Variants in PCDH20 observed in about 807,000 individuals in gnomAD.
The protein encoded by PCDH20 is protocadherin 20, also known as protocadherin-20.
A neutral mutation model predicts 39.7 loss-of-function variants in PCDH20; 18 were observed. That is an observed-to-expected ratio of 0.45 (90% CI 0.31 to 0.67). The LOEUF (loss-of-function observed/expected upper bound fraction) is 0.67. Among genes scored for constraint, PCDH20 ranks in the 30% least tolerant of loss-of-function variants. The probability of loss-of-function intolerance (pLI) is 0.05; values close to 1 mark genes in which losing one functional copy is unlikely to be tolerated. For synonymous variants in PCDH20, 495 were observed against 455.4 expected (o/e 1.09, Z -1.11); for missense variants, 1,161 against 1,167.4 (o/e 0.99, Z 0.08).
At position 61,415,017 on chromosome 13, in the gene PCDH20, T is replaced by C. The variant is rs765829268; in HGVS notation, c.132+10A>G. On this transcript the variant is annotated intron_variant, in intron 1 of 1. Transcript: ENST00000409204. The stretch of plus-strand genomic sequence containing the variant: ...TCGGGGTCGCGGGGTTCCTTGACCC[T>C]AACCCTTACCGGCAGGTTCCTGTAG... 6.1e-6 allele frequency: 9 copies of C among 1,463,694 alleles called. No individual in the cohort carries two copies. The South Asian group carries it at 6.9e-5, about 11-fold the overall frequency. 90.7% of individuals were successfully genotyped at this position (1,463,694 alleles called of 1,614,324 possible). A position where few individuals can be genotyped will look rare whatever the true frequency, so the allele number is the denominator to read the frequency against.
At chr13:61,415,256 G>C in exon 1 of PCDH20, 1 of 1,244,834 alleles carries the variant, frequency 8.0e-7, no homozygotes, top group Non-Finnish European at 1.0e-6. Flanking sequence ...TCAGCCAATA[G>C]TCACTGGCTC....
exon 2 of PCDH20, chr13:61,413,110 T>C (rs377479414): frequency 1.5e-5 from 24 of 1,614,054 alleles, no homozygotes; most frequent in Non-Finnish European, 1.9e-5. Context: ...AGCATTCCCA[T>C]ACACAGTGAC....
exon 2 of PCDH20, chr13:61,411,826 G>A: frequency 6.2e-7 from 1 of 1,614,170 alleles, no homozygotes; most frequent in South Asian, 1.1e-5. Context: ...GCCTGGCAGA[G>A]TAGAAGGCAG....
exon 2 of PCDH20, chr13:61,412,807 A>G (rs1000541028): frequency 1.2e-6 from 2 of 1,614,074 alleles, no homozygotes; most frequent in Non-Finnish European, 1.7e-6. Context: ...CTCGTTTGCT[A>G]TGTAACGAGG....
In PCDH20 at chr13:61,413,051, C is replaced by T. The variant is rs1174489929; in HGVS notation, c.1048G>A (p.Gly350Arg). 9.3e-6 allele frequency: 15 copies of T among 1,614,006 alleles called. No homozygotes were observed. The highest frequency in any genetic ancestry group is 1.7e-5 in the Admixed American group (1 of 59,996). Residue 350 changes from glycine (G) to arginine (R), a missense_variant, in exon 2 of 2, where the codon GGG becomes AGG. By Grantham distance (125) the Gly-to-Arg change is moderately radical (BLOSUM62 -2). This residue lies in a region of PCDH20 where 754 missense variants were observed against 777.5 expected (regional missense o/e 0.97). Coordinates refer to ENST00000409204, the Ensembl canonical transcript of PCDH20. ...GAATAAGTAATTTGAGCATTGGTCC[C>T]CAAGTCTTTATCCACAGCCTGGACA...
Position 61,413,852 on chromosome 13 carries a change from C to CGATGA in PCDH20, c.242_246dup (p.Gly83SerfsTer46). The stretch of plus-strand genomic sequence containing the variant: ...AGCCGCAGGTCCTCGGCCAGGCTGC[C>CGATGA]GATGAGCACCCCCGCGGGTAGTCCC... On this transcript the variant is annotated frameshift_variant, in exon 2 of 2. Transcript: ENST00000409204. LOFTEE classifies it high-confidence loss of function. 6.2e-7 allele frequency: 1 copy of CGATGA among 1,612,978 alleles called. No individual in the cohort carries two copies. The highest frequency in any genetic ancestry group is 8.5e-7 in the Non-Finnish European group (1 of 1,179,640).
exon 1 of PCDH20, chr13:61,415,294 T>G (rs1329776271): frequency 9.0e-7 from 1 of 1,116,898 alleles, no homozygotes; most frequent in Admixed American, 4.0e-5. Flanking sequence ...ACTCAAAGAG[T>G]GGCAGAAAGG....
At chr13:61,414,644 CT>C (rs1012020598) in intron 1 of PCDH20, among the ~76,000 whole-genome samples, 3 of 152,178 alleles carry the variant, frequency 2.0e-5, no homozygotes, top group African/African-American at 7.2e-5. Context: ...ACTAATCCCC[CT>C]CCCTTAGGGG....
chr13:61,413,444 G>A lies in PCDH20; in HGVS notation c.655C>T (p.Pro219Ser), dbSNP rs745646714. 3 of 1,613,672 alleles carry A rather than the reference G, an allele frequency of 1.9e-6. No homozygotes were observed. In the African/African-American group the frequency reaches 4.0e-5, roughly 22 times the overall value. Residue 219 changes from proline (P) to serine (S), a missense_variant, in exon 2 of 2, where the codon CCG becomes TCG. By Grantham distance (74) the Pro-to-Ser change is moderately conservative. Coordinates refer to ENST00000409204, the Ensembl canonical transcript of PCDH20. ...CGGGTGTTTACAGGTGCATTTTCCG[G>A]GACCCACACCGAGATCTGGGAAACA...
At chr13:61,410,039 T>C (rs1878213891) in exon 2 of PCDH20, 1 of 152,090 alleles carries the variant, frequency 6.6e-6, no homozygotes, top group Non-Finnish European at 1.5e-5. Context: ...TTGAAAGTGA[T>C]AAATCACTGA....
At chr13:61,411,788 C>T (rs1878251309) in exon 2 of PCDH20, 3 of 1,614,102 alleles carry the variant, frequency 1.9e-6, no homozygotes, top group Non-Finnish European at 2.5e-6. Context: ...GTGTCTTTGT[C>T]GACAGCATAG....
chr13:61,412,605 C>A, exon 2 of PCDH20: 1 of 1,614,126 alleles, frequency 6.2e-7, no homozygotes, highest in Non-Finnish European at 8.5e-7. Flanking sequence ...ACTGCTGTAG[C>A]TCATAGTCCA....
intron 1 of PCDH20, among the ~76,000 whole-genome samples, chr13:61,414,221 A>G (rs570743465): frequency 6.6e-6 from 1 of 151,320 alleles, no homozygotes; most frequent in South Asian, 2.1e-4. Context: ...CCCCATCACC[A>G]CCCTCATCCA....
exon 2 of PCDH20, chr13:61,412,077 G>C: frequency 6.8e-6 from 11 of 1,614,000 alleles, no homozygotes; most frequent in Non-Finnish European, 8.5e-6. Context: ...CAGAGAGGGC[G>C]ACCCATCCAT....
At chr13:61,411,427 A>G (rs1456258265) in exon 2 of PCDH20, 2 of 1,614,118 alleles carry the variant, frequency 1.2e-6, no homozygotes, top group East Asian at 2.2e-5. Flanking sequence ...AGACAGAGCT[A>G]CTAAGGTGGG....
chr13:61,411,721 T>A lies in PCDH20; in HGVS notation c.2378A>T (p.Glu793Val), dbSNP rs1377316529. Reference sequence around the variant, plus strand: ...AGTTTTAGGGTCAATCCTGAAGGACTCAGGCCTAGGACCTCTTCTCCCTAT... The same window carrying A: ...AGTTTTAGGGTCAATCCTGAAGGACACAGGCCTAGGACCTCTTCTCCCTAT... Residue 793 changes from glutamate to valine, a missense_variant, in exon 2 of 2, where the codon GAG (glutamate) becomes GTG (valine). By Grantham distance (121) the Glu-to-Val change is moderately radical. This residue lies in a region of PCDH20 where 754 missense variants were observed against 777.5 expected (regional missense o/e 0.97). Coordinates refer to ENST00000409204, the Ensembl canonical transcript of PCDH20. The A allele has an allele frequency of 1.9e-6, 3 of 1,614,072 alleles. No homozygotes were observed. The African/African-American group carries it at 4.0e-5, about 22-fold the overall frequency.
exon 2 of PCDH20, chr13:61,412,616 T>C (rs758184151): frequency 3.1e-6 from 5 of 1,614,136 alleles, no homozygotes; most frequent in Non-Finnish European, 4.2e-6. Flanking sequence ...TCATAGTCCA[T>C]AGGTTTTGTG....
Position 61,413,758 on chromosome 13 carries a change from T to TTCC in PCDH20, c.338_340dup (p.Trp113_Asn114insArg), listed in dbSNP as rs775347438. On this transcript the variant is annotated inframe_insertion, in exon 2 of 2. Transcript: ENST00000409204. ...GGCCAGGCTGAAGGAGAGAGGGGGG[T>TTCC]TCCACTCAGCACCGGTGCGCTCTGG... is the stretch of plus-strand genomic sequence containing the variant. 6.3e-5 allele frequency: 102 copies of TTCC among 1,612,988 alleles called. No homozygotes were observed. The East Asian group carries it at 2.1e-3, about 34-fold the overall frequency.
In PCDH20 at chr13:61,412,526, G is replaced by T. The variant is rs764816754; in HGVS notation, c.1573C>A (p.Leu525Ile). ...GGAGCATTATCATTGTCATCTAAAA[G>T]TTGCACTTTAATGACCCTTTTGACA... Residue 525 changes from leucine (L) to isoleucine (I), a missense_variant, in exon 2 of 2, where the codon CTT becomes ATT. By Grantham distance (5) the Leu-to-Ile change is conservative (BLOSUM62 2). Transcript: ENST00000409204. 1.9e-6 allele frequency: 3 copies of T among 1,614,130 alleles called. No individual in the cohort carries two copies. In the Admixed American group the frequency reaches 5.0e-5, roughly 27 times the overall value.
Sources: gnomAD v4.1 joint callset for allele counts (sites outside exome capture counted in the v4.1 genomes callset) on GRCh38, gnomAD v4.1.1 for gene constraint, gnomAD v4.1.1 regional missense constraint, MANE v1.5 for transcripts, NCBI Gene and HGNC (gene_info 2026-07-23, HGNC 2026-07-21) for gene names.